Variants in YES1 observed in about 807,000 individuals in gnomAD.
YES1 encodes the protein tyrosine-protein kinase Yes.
In YES1, 39 loss-of-function variants were observed where a neutral mutation model predicts 70.4. The observed-to-expected ratio is 0.55, with a 90% confidence interval of 0.43 to 0.72. The LOEUF (loss-of-function observed/expected upper bound fraction) is 0.72. Ranked by LOEUF, YES1 falls within the 30% of genes least tolerant of loss-of-function variation. The probability of loss-of-function intolerance (pLI) is 0.00; values close to 1 mark genes in which losing one functional copy is unlikely to be tolerated. For synonymous variants in YES1, 198 were observed against 218.6 expected, an observed-to-expected ratio of 0.91 and a Z score of 0.83; for missense variants, 495 against 644.8, an observed-to-expected ratio of 0.77 and a Z score of 2.52.
At chr18:734,221 G>C (rs979687657) in intron 10 of YES1, among the ~76,000 whole-genome samples, 1 of 151,686 alleles carries the variant, frequency 6.6e-6, no homozygotes, top group Admixed American at 6.6e-5. Context: ...AGAGGTTGCA[G>C]TGAGCCAAGA....
intron 10 of YES1, among the ~76,000 whole-genome samples, chr18:733,303 G>A (rs1291528661): frequency 1.3e-5 from 2 of 152,248 alleles, no homozygotes; most frequent in Admixed American, 6.5e-5. Flanking sequence ...CCTAATAGCT[G>A]TAGTTAACTA....
chr18:777,027 G>A (rs1905418794), intron 1 of YES1, among the ~76,000 whole-genome samples: 1 of 152,192 alleles, frequency 6.6e-6, no homozygotes, highest in African/African-American at 2.4e-5. Flanking sequence ...ACAAAAATCA[G>A]GGGGCAATTA....
chr18:738,253 G>A (rs1230900823), intron 9 of YES1: 1 of 151,896 alleles, frequency 6.6e-6, no homozygotes, highest in Non-Finnish European at 1.5e-5. Context: ...CCAATAATAA[G>A]GCCTCTCAAA....
At chr18:812,752 G>A (rs1315374696), upstream of YES1, among the ~76,000 whole-genome samples, 4 of 152,236 alleles carry the variant, frequency 2.6e-5, no homozygotes, top group African/African-American at 9.6e-5. Flanking sequence ...CCAGCTCTCA[G>A]TAGTGGCCAG....
At chr18:725,082 G>T (rs1043217618) in intron 11 of YES1, among the ~76,000 whole-genome samples, 2 of 152,124 alleles carry the variant, frequency 1.3e-5, no homozygotes, top group Non-Finnish European at 2.9e-5. Flanking sequence ...ACTTTATATT[G>T]AATTACTTCT....
At position 794,909 on chromosome 18, in the gene YES1, G is replaced by A. The variant is rs1212045419; in HGVS notation, c.-9+17205C>T. 3.3e-5 allele frequency among the ~76,000 whole-genome samples: 5 copies of A among 152,208 alleles called. No homozygotes were observed. In the East Asian group the frequency reaches 5.8e-4, roughly 18 times the overall value. ...TCGGCTCACTGCAACCTTGCCTCCC[G>A]GGTTCAAGCAATTCTCCTGCCTCAG... is the stretch of plus-strand genomic sequence containing the variant. On this transcript the variant is annotated intron_variant, in intron 1 of 11. Coordinates refer to ENST00000314574, the MANE Select transcript of YES1 (RefSeq NM_005433.4).
intron 10 of YES1, among the ~76,000 whole-genome samples, chr18:733,719 CTTGCAGTGAGCTGAGA>C (rs1018266990): frequency 8.1e-6 from 1 of 124,114 alleles, no homozygotes; most frequent in African/African-American, 3.1e-5. Context: ...GGAGGCGGAG[CTTGCAGTGAGCTGAGA>C]TTGCGCCACT....
intron 1 of YES1, among the ~76,000 whole-genome samples, chr18:802,750 A>G (rs1162718626): frequency 1.3e-5 from 2 of 152,076 alleles, no homozygotes; most frequent in Non-Finnish European, 2.9e-5. Context: ...CAAATTATAT[A>G]TACTTTCTGA....
In YES1 at chr18:791,860, G is replaced by C. The variant is rs1039751508; in HGVS notation, c.-9+20254C>G. Among the ~76,000 whole-genome samples, 40 of 151,900 alleles carry C rather than the reference G, an allele frequency of 2.6e-4. 1 individual carries two copies. Among genetic ancestry groups the C allele is most frequent in the Admixed American group, 2.6e-3 (40 of 15,232 alleles). On this transcript the variant is annotated intron_variant, in intron 1 of 11. Coordinates refer to ENST00000314574, the MANE Select transcript of YES1 (RefSeq NM_005433.4). Reference sequence around the variant, plus strand: ...ACTTGAGGTCAGGAGTTTGAGAACAGCCTGACCAACATGGTGAAACCCCGC... The same window carrying C: ...ACTTGAGGTCAGGAGTTTGAGAACACCCTGACCAACATGGTGAAACCCCGC...
chr18:764,495 T>C (rs1904767017), intron 1 of YES1, among the ~76,000 whole-genome samples: 1 of 152,300 alleles, frequency 6.6e-6, no homozygotes, highest in African/African-American at 2.4e-5. Context: ...GTGCTGGGAT[T>C]ACAGGCGTGA....
intron 1 of YES1, among the ~76,000 whole-genome samples, chr18:768,764 G>A (rs917287504): frequency 2.0e-4 from 31 of 152,126 alleles, no homozygotes; most frequent in African/African-American, 7.0e-4. Flanking sequence ...GTGCAGTGGT[G>A]TGATCTCGGC....
intron 9 of YES1, chr18:738,573 CCA>C (rs1257392060): frequency 6.6e-6 from 1 of 151,350 alleles, no homozygotes; most frequent in Non-Finnish European, 1.5e-5. Flanking sequence ...GCCTGTAGTC[CCA>C]GTTACTCGGG....
At chr18:791,410 T>C (rs1906243496) in intron 1 of YES1, among the ~76,000 whole-genome samples, 1 of 152,176 alleles carries the variant, frequency 6.6e-6, no homozygotes. Flanking sequence ...TACTCTTGTG[T>C]ATACTAACAC....
chr18:776,274 A>G (rs988071711), intron 1 of YES1, among the ~76,000 whole-genome samples: 1 of 151,660 alleles, frequency 6.6e-6, no homozygotes, highest in Non-Finnish European at 1.5e-5. Context: ...GCTCACTGCA[A>G]CCTCTGCCTC....
intron 1 of YES1, among the ~76,000 whole-genome samples, chr18:799,710 A>T (rs1256627243): frequency 6.6e-6 from 1 of 151,662 alleles, no homozygotes; most frequent in Non-Finnish European, 1.5e-5. Context: ...TTCAAAAAAA[A>T]TTTTAATTTA....
chr18:738,620 A>T (rs2080180311), intron 9 of YES1: 1 of 144,184 alleles, frequency 6.9e-6, no homozygotes, highest in African/African-American at 2.5e-5. Context: ...AACCTGGGAG[A>T]TGGAGCTTGC....
intron 8 of YES1, among the ~76,000 whole-genome samples, chr18:741,619 C>G (rs1479600571): frequency 6.6e-6 from 1 of 152,082 alleles, no homozygotes; most frequent in African/African-American, 2.4e-5. Flanking sequence ...GCCTGGGAAA[C>G]AGGGTGAAAT....
At chr18:767,999 C>T (rs1904990170) in intron 1 of YES1, among the ~76,000 whole-genome samples, 1 of 152,198 alleles carries the variant, frequency 6.6e-6, no homozygotes, top group African/African-American at 2.4e-5. Context: ...CTGTGCCCAG[C>T]CTTTTTCATC....
At chr18:756,223 T>C (rs1201157465) in intron 2 of YES1, among the ~76,000 whole-genome samples, 2 of 151,994 alleles carry the variant, frequency 1.3e-5, no homozygotes, top group South Asian at 2.1e-4. Flanking sequence ...CCTGAGAAGT[T>C]GTCAAATTCT....
Sources: gnomAD v4.1 joint callset for allele counts (sites outside exome capture counted in the v4.1 genomes callset) on GRCh38, gnomAD v4.1.1 for gene constraint, MANE v1.5 for transcripts, NCBI Gene and HGNC (gene_info 2026-07-23, HGNC 2026-07-21) for gene names.